Variants in TCF12 observed in about 807,000 individuals in gnomAD.
TCF12 encodes the protein DNA-binding protein HTF4.
A neutral mutation model predicts 86.0 loss-of-function variants in TCF12; 45 were observed. The ratio of observed to expected loss-of-function variants is 0.52; its 90% CI spans 0.41 to 0.67. TCF12 has a LOEUF of 0.67. TCF12 is among the 30% of genes least tolerant of loss of function. The probability of loss-of-function intolerance (pLI) is 0.00; values close to 1 mark genes in which losing one functional copy is unlikely to be tolerated. For missense variants in TCF12, 881 were observed against 859.9 expected, an observed-to-expected ratio of 1.02 and a Z score of -0.31; for synonymous variants, 330 against 299.6, an observed-to-expected ratio of 1.10 and a Z score of -1.05.
intron 3 of TCF12, among the ~76,000 whole-genome samples, chr15:57,018,585 C>T (rs1311453267): frequency 3.9e-5 from 6 of 151,958 alleles, no homozygotes; most frequent in African/African-American, 1.5e-4. Flanking sequence ...ACCTCAGTCT[C>T]CTGAGTAGCT....
rs2062024562 is a variant in TCF12 at position 57,289,151 on chromosome 15, G to T, written c.*3006G>T. 6.6e-6 allele frequency: 1 copy of T among 152,178 alleles called. No homozygotes were observed. The highest frequency in any genetic ancestry group is 1.5e-5 in the Non-Finnish European group (1 of 68,038). 9.4% of individuals were successfully genotyped at this position (152,178 alleles called of 1,614,324 possible). On this transcript the variant is annotated 3_prime_UTR_variant, in exon 21 of 21. Coordinates refer to ENST00000333725, the MANE Select transcript of TCF12 (RefSeq NM_207037.2). ...ATTGTCACATCCTCTTGGTATGCTG[G>T]CAGATTGCTTCTCTTGGTGAATTAT...
At chr15:57,159,147 G>A (rs1213904548) in intron 5 of TCF12, among the ~76,000 whole-genome samples, 1 of 152,220 alleles carries the variant, frequency 6.6e-6, no homozygotes, top group Non-Finnish European at 1.5e-5. Context: ...CAGGGTCTGT[G>A]TGAGGTACAT....
intron 16 of TCF12, among the ~76,000 whole-genome samples, chr15:57,261,157 A>G (rs1181395046): frequency 6.6e-6 from 1 of 152,196 alleles, no homozygotes; most frequent in East Asian, 1.9e-4. Flanking sequence ...GCAATGACCA[A>G]TCCTAAAATC....
rs1425387061 is a variant in TCF12 at position 56,918,654 on chromosome 15, C to T, written c.-275C>T. 2.7e-5 allele frequency: 5 copies of T among 188,620 alleles called. No individual in the cohort carries two copies. The highest frequency in any genetic ancestry group is 9.6e-5 in the African/African-American group (4 of 41,674). 11.7% of individuals were successfully genotyped at this position (188,620 alleles called of 1,614,324 possible). On this transcript the variant is annotated 5_prime_UTR_variant, in exon 1 of 21. Transcript: ENST00000333725. The stretch of plus-strand genomic sequence containing the variant: ...GAGGGATCCGGAGGCGAGCCGAGCG[C>T]GGTGGTGAGGCCGCCTCAGCGAAAA...
chr15:57,134,234 C>T (rs1453812455), intron 5 of TCF12: 1 of 152,202 alleles, frequency 6.6e-6, no homozygotes, highest in East Asian at 1.9e-4. Context: ...AGCACATCAT[C>T]AACCACATTC....
intron 3 of TCF12, among the ~76,000 whole-genome samples, chr15:57,006,173 A>G (rs1043971269): frequency 2.0e-5 from 3 of 152,228 alleles, no homozygotes; most frequent in African/African-American, 7.2e-5. Context: ...TATCACCACA[A>G]AAATTAAAAG....
intron 3 of TCF12, among the ~76,000 whole-genome samples, chr15:57,049,515 A>G (rs1464116374): frequency 1.3e-5 from 2 of 152,166 alleles, no homozygotes; most frequent in Admixed American, 6.5e-5. Flanking sequence ...CACAAGATTT[A>G]TCCACGTTGT....
chr15:57,254,874 A>AAAAAAAAAAG (rs1555410242), intron 16 of TCF12, among the ~76,000 whole-genome samples: 1 of 108,842 alleles, frequency 9.2e-6, no homozygotes. Flanking sequence ...AAAAAAAAAA[A>AAAAAAAAAAG]AAAGAAAGAA....
chr15:57,000,157 A>G (rs1171014993), intron 3 of TCF12, among the ~76,000 whole-genome samples: 1 of 138,490 alleles, frequency 7.2e-6, no homozygotes, highest in Non-Finnish European at 1.5e-5. Context: ...TTTGTAATCT[A>G]CTTCATCTCT....
At chr15:57,263,055 T>G in intron 17 of TCF12, 57 bp from the exon 18 acceptor site, 1 of 1,544,568 alleles carries the variant, frequency 6.5e-7, no homozygotes, top group South Asian at 1.3e-5. Flanking sequence ...TTGTCTTAGC[T>G]GTAATTCATA....
intron 3 of TCF12, among the ~76,000 whole-genome samples, chr15:57,059,308 G>A (rs2068268874): frequency 2.0e-5 from 3 of 152,156 alleles, no homozygotes; most frequent in African/African-American, 7.2e-5. Flanking sequence ...CTTTCCCACA[G>A]GGATGGGCTC....
intron 5 of TCF12, among the ~76,000 whole-genome samples, chr15:57,114,112 G>A (rs1183856869): frequency 1.3e-5 from 2 of 152,060 alleles, no homozygotes; most frequent in Non-Finnish European, 2.9e-5. Flanking sequence ...AATTTTTTGT[G>A]ATCCCTTTTT....
At chr15:57,192,523 A>T (rs187188076) in intron 7 of TCF12, among the ~76,000 whole-genome samples, 2 of 152,042 alleles carry the variant, frequency 1.3e-5, no homozygotes, top group Non-Finnish European at 2.9e-5. Flanking sequence ...CAAGTAGCTG[A>T]GACTATAGGC....
chr15:57,169,849 A>G (rs1038081129), intron 6 of TCF12, among the ~76,000 whole-genome samples: 3 of 152,220 alleles, frequency 2.0e-5, no homozygotes, highest in Non-Finnish European at 2.9e-5. Context: ...AGTCAGCAAT[A>G]AGTTCTATTA....
intron 3 of TCF12, among the ~76,000 whole-genome samples, chr15:57,052,282 A>G (rs1308823203): frequency 6.6e-6 from 1 of 152,138 alleles, no homozygotes; most frequent in Non-Finnish European, 1.5e-5. Flanking sequence ...TGTATCTTTT[A>G]TGAAGGTTGC....
At chr15:57,247,018 T>C in intron 13 of TCF12, 1 of 545,674 alleles carries the variant, frequency 1.8e-6, no homozygotes, top group South Asian at 1.4e-5. Flanking sequence ...CCTGAGCTTC[T>C]TCCACCAAAA....
rs1482812352 is a variant in TCF12 at position 56,921,051 on chromosome 15, G to A, written c.101G>A (p.Gly34Glu). ...ATGTTTTCCCCACCTGTTAATAGTGGGAAAACTAGACCAACTACACTGGGA... is the reference window on the plus strand; with the variant it reads ...ATGTTTTCCCCACCTGTTAATAGTGAGAAAACTAGACCAACTACACTGGGA... ...SAMFSPPVNSGKTRPTTLGSS... is the reference protein window; with the variant it reads ...SAMFSPPVNSEKTRPTTLGSS... Residue 34 changes from glycine to glutamate, a missense_variant, in exon 3 of 21, where the codon GGG (glycine) becomes GAG (glutamate). Transcript: ENST00000333725. 2.5e-6 allele frequency: 4 copies of A among 1,604,974 alleles called. No homozygotes were observed. Among genetic ancestry groups the A allele is most frequent in the Non-Finnish European group, 3.4e-6 (4 of 1,175,036 alleles).
chr15:57,092,014 A>C (rs1185092437), intron 5 of TCF12, 123 bp downstream of exon 5: 1 of 683,944 alleles, frequency 1.5e-6, no homozygotes, highest in African/African-American at 1.8e-5. Context: ...TTCTAGGGGC[A>C]TCTAGGGCTT....
chr15:57,232,598 T>C lies in TCF12; in HGVS notation c.826-114T>C, dbSNP rs545012139. The C allele has an allele frequency of 3.0e-5, 43 of 1,438,252 alleles. No individual in the cohort carries two copies. In the African/African-American group the frequency reaches 3.5e-4, roughly 12 times the overall value. The allele number at this position is 1,438,252 out of a possible 1,614,324, so 89.1% of individuals were successfully genotyped here. A position where few individuals can be genotyped will look rare whatever the true frequency, so the allele number is the denominator to read the frequency against. On this transcript the variant is annotated intron_variant, in intron 10 of 20. Transcript: ENST00000333725. ...CTAAAAAATAAATGACAATAAGTAG[T>C]GCTCTTTAGCTGTAACTTGTAAATG...
Sources: allele counts gnomAD v4.1 joint callset (sites outside exome capture counted in the v4.1 genomes callset), GRCh38; gene constraint gnomAD v4.1.1; transcripts MANE v1.5; gene names NCBI Gene and HGNC (gene_info 2026-07-23, HGNC 2026-07-21).